Variants in SUPT3H observed in about 807,000 individuals in gnomAD.
SUPT3H encodes the protein transcription initiation protein SPT3 homolog.
A neutral mutation model predicts 44.3 loss-of-function variants in SUPT3H; 44 were observed. The observed-to-expected ratio is 0.99, with a 90% CI of 0.78 to 1.28. The LOEUF (loss-of-function observed/expected upper bound fraction) is 1.28, where lower values mean the gene tolerates loss of function less well. Among genes scored for constraint, SUPT3H ranks in the 50% most tolerant of loss-of-function variants. The probability of loss-of-function intolerance (pLI) is 0.00; values close to 1 mark genes in which losing one functional copy is unlikely to be tolerated. For missense variants in SUPT3H, 380 were observed against 387.1 expected, an observed-to-expected ratio of 0.98 and a Z score of 0.15; for synonymous variants, 124 against 125.6, an observed-to-expected ratio of 0.99 and a Z score of 0.09.
intron 4 of SUPT3H, among the ~76,000 whole-genome samples, chr6:45,019,502 A>T (rs1784802995): frequency 6.6e-6 from 1 of 152,038 alleles, no homozygotes; most frequent in Non-Finnish European, 1.5e-5. Flanking sequence ...ATTAGACCGT[A>T]ATGCTGCTTA....
chr6:45,100,697 ATAAT>A (rs2153568437), intron 3 of SUPT3H, among the ~76,000 whole-genome samples: 1 of 152,274 alleles, frequency 6.6e-6, no homozygotes, highest in Non-Finnish European at 1.5e-5. Context: ...AAACAAGGTT[ATAAT>A]TAATAATACC....
At chr6:45,176,293 C>T (rs575672309) in intron 2 of SUPT3H, among the ~76,000 whole-genome samples, 9 of 151,698 alleles carry the variant, frequency 5.9e-5, no homozygotes, top group East Asian at 5.8e-4. Flanking sequence ...CTTCCCTTTC[C>T]GAGTCAAAGA....
chr6:45,231,949 T>C (rs1278065675), intron 2 of SUPT3H, among the ~76,000 whole-genome samples: 1 of 152,232 alleles, frequency 6.6e-6, no homozygotes, highest in Non-Finnish European at 1.5e-5. Context: ...TTCTTATTTA[T>C]GATTATCTGT....
chr6:44,908,673 A>G (rs1427505240), intron 10 of SUPT3H, among the ~76,000 whole-genome samples: 1 of 152,186 alleles, frequency 6.6e-6, no homozygotes, highest in African/African-American at 2.4e-5. Context: ...TACACCCCAG[A>G]AAGTCTTCAC....
chr6:44,976,596 C>T lies in SUPT3H; in HGVS notation c.505-14768G>A, dbSNP rs1170597680. ...TAGGCTGGTTTCAAACTCCTGACCT[C>T]AAGTGATCTGCCCGCTTCAGCCTCC... On this transcript the variant is annotated intron_variant, in intron 6 of 10. Coordinates refer to ENST00000371459, the MANE Select transcript of SUPT3H (RefSeq NM_003599.4). Among the ~76,000 whole-genome samples, 3 of 152,248 alleles carry T rather than the reference C, an allele frequency of 2.0e-5. No individual in the cohort carries two copies. The East Asian group carries it at 5.8e-4, about 29-fold the overall frequency.
intron 3 of SUPT3H, among the ~76,000 whole-genome samples, chr6:45,036,864 G>A (rs1468071400): frequency 6.6e-6 from 1 of 152,070 alleles, no homozygotes; most frequent in Non-Finnish European, 1.5e-5. Context: ...GACATAGGGG[G>A]TCCCAAACAG....
rs141940933 is a variant in SUPT3H, at chr6:44,862,010, T to A, written c.913-32153A>T. Among the ~76,000 whole-genome samples, 26 of 152,304 alleles carry A rather than the reference T, an allele frequency of 1.7e-4. No individual in the cohort carries two copies. The East Asian group carries it at 5.0e-3, about 29-fold the overall frequency. ...GACTCTGATGTTCGCTTAAAAGCCC[T>A]GCAAGGACACTACCTTAAGGATTAA... On this transcript the variant is annotated intron_variant, in intron 10 of 10. Coordinates refer to ENST00000371459, the MANE Select transcript of SUPT3H (RefSeq NM_003599.4).
intron 2 of SUPT3H, among the ~76,000 whole-genome samples, chr6:45,201,875 T>C (rs1255317508): frequency 6.6e-6 from 1 of 151,952 alleles, no homozygotes; most frequent in Non-Finnish European, 1.5e-5. Context: ...TTTTAAAATA[T>C]TAACAGTTTT....
intron 2 of SUPT3H, among the ~76,000 whole-genome samples, chr6:45,296,393 A>G (rs1303430983): frequency 6.6e-6 from 1 of 151,954 alleles, no homozygotes; most frequent in South Asian, 2.1e-4. Context: ...GAATGACACA[A>G]TGGACTTTGG....
intron 2 of SUPT3H, among the ~76,000 whole-genome samples, chr6:45,178,903 C>G (rs1352069667): frequency 6.6e-6 from 1 of 151,310 alleles, no homozygotes; most frequent in Non-Finnish European, 1.5e-5. Flanking sequence ...ATCTCTGGGA[C>G]ACATTCAAAG....
chr6:44,851,368 G>C (rs2153421539), intron 10 of SUPT3H, among the ~76,000 whole-genome samples: 1 of 152,318 alleles, frequency 6.6e-6, no homozygotes, highest in Non-Finnish European at 1.5e-5. Flanking sequence ...GAGAGACACT[G>C]ATGTGACTCA....
intron 2 of SUPT3H, among the ~76,000 whole-genome samples, chr6:45,111,058 A>T (rs1466409004): frequency 1.3e-5 from 2 of 148,206 alleles, no homozygotes; most frequent in African/African-American, 5.0e-5. Context: ...TTTGAGACAG[A>T]GTCTCACTCT....
At chr6:44,878,607 G>A (rs1253142192) in intron 10 of SUPT3H, among the ~76,000 whole-genome samples, 1 of 152,168 alleles carries the variant, frequency 6.6e-6, no homozygotes, top group South Asian at 2.1e-4. Flanking sequence ...ATATAAAATG[G>A]TATAGCTGCT....
chr6:45,050,945 C>T (rs899255159), intron 3 of SUPT3H, among the ~76,000 whole-genome samples: 2 of 131,272 alleles, frequency 1.5e-5, no homozygotes, highest in Admixed American at 9.5e-5. Context: ...AGTGCAGTGG[C>T]ATGATCTCGA....
chr6:45,073,273 G>C (rs1313046858), intron 3 of SUPT3H, among the ~76,000 whole-genome samples: 2 of 151,960 alleles, frequency 1.3e-5, no homozygotes, highest in Non-Finnish European at 2.9e-5. Context: ...ATTTATATCA[G>C]CTTGAGAATT....
chr6:45,281,921 G>T (rs912605639), intron 2 of SUPT3H, among the ~76,000 whole-genome samples: 3 of 152,178 alleles, frequency 2.0e-5, no homozygotes, highest in African/African-American at 7.2e-5. Context: ...AACAACATTT[G>T]CTGCTCACCA....
chr6:45,363,676 AT>A lies in SUPT3H; in HGVS notation c.101+1524del, dbSNP rs200049971. ...AAGCCACTAAACTATAATGAAAAAA[AT>A]TAAACTAATCCACAAAAATGTATAT... On this transcript the variant is annotated intron_variant, in intron 2 of 10. Transcript: ENST00000371459. Among the ~76,000 whole-genome samples, 508 of 152,236 alleles carry A rather than the reference AT, an allele frequency of 3.3e-3. 5 individuals carry two copies. The highest frequency in any genetic ancestry group is 0.012 in the African/African-American group (486 of 41,584).
intron 2 of SUPT3H, among the ~76,000 whole-genome samples, chr6:45,330,951 T>C (rs1376442847): frequency 1.3e-5 from 2 of 151,986 alleles, no homozygotes; most frequent in African/African-American, 4.8e-5. Flanking sequence ...CTTCAGGCTT[T>C]AGATTTTTAT....
At chr6:45,137,364 A>C (rs1804466638) in intron 2 of SUPT3H, among the ~76,000 whole-genome samples, 1 of 151,972 alleles carries the variant, frequency 6.6e-6, no homozygotes, top group Non-Finnish European at 1.5e-5. Flanking sequence ...GGTAAACATA[A>C]AAGACTCTCT....
Sources: gnomAD v4.1 joint callset for allele counts (sites outside exome capture counted in the v4.1 genomes callset) on GRCh38, gnomAD v4.1.1 for gene constraint, MANE v1.5 for transcripts, NCBI Gene and HGNC (gene_info 2026-07-23, HGNC 2026-07-21) for gene names.